Variants in SOX5 observed in about 807,000 individuals in gnomAD.
SOX5 encodes SRY-box transcription factor 5.
In SOX5, 9 loss-of-function variants were observed where a neutral mutation model predicts 92.0. The observed-to-expected ratio is 0.10, with a 90% CI of 0.06 to 0.17. SOX5 has a LOEUF of 0.17. Ranked by LOEUF, SOX5 falls within the 10% of genes least tolerant of loss-of-function variation. The pLI, the probability that SOX5 is intolerant of heterozygous loss-of-function variation, is 1.00. For missense variants in SOX5, 642 were observed against 944.5 expected, an observed-to-expected ratio of 0.68 and a Z score of 4.20; for synonymous variants, 344 against 336.3, an observed-to-expected ratio of 1.02 and a Z score of -0.25.
At chr12:23,873,533 T>C (rs920486622) in intron 2 of SOX5, among the ~76,000 whole-genome samples, 1 of 152,116 alleles carries the variant, frequency 6.6e-6, no homozygotes, top group Non-Finnish European at 1.5e-5. Flanking sequence ...AAACCACTTG[T>C]TTACATGTTT....
rs1958214860 is a variant in SOX5 at position 24,057,153 on chromosome 12, G to GA, written c.-2+156189dup. ...CCTAGTTTCAAATAGATAAAAGAAG[G>GA]AAAAAACCTAGCTACATGGACATGA... is the stretch of plus-strand genomic sequence containing the variant. On this transcript the variant is annotated intron_variant, in intron 4 of 4. Transcript: ENST00000446891. Among the ~76,000 whole-genome samples, 13 of 151,812 alleles carry GA rather than the reference G, an allele frequency of 8.6e-5. No homozygotes were observed. In the South Asian group the frequency reaches 2.5e-3, roughly 29 times the overall value.
intron 4 of SOX5, among the ~76,000 whole-genome samples, chr12:24,051,684 T>A (rs1333846736): frequency 6.6e-6 from 1 of 152,224 alleles, no homozygotes; most frequent in African/African-American, 2.4e-5. Flanking sequence ...AGAAGAAAAC[T>A]GCCTTCTAAG....
intron 2 of SOX5, among the ~76,000 whole-genome samples, chr12:24,326,449 C>T (rs555661190): frequency 5.3e-5 from 2 of 37,546 alleles, no homozygotes; most frequent in Admixed American, 4.3e-4. Flanking sequence ...TTCATTTGAT[C>T]GCACTTGTGT....
intron 8 of SOX5, among the ~76,000 whole-genome samples, chr12:23,612,665 C>T (rs528563877): frequency 6.6e-6 from 1 of 152,134 alleles, no homozygotes; most frequent in South Asian, 2.1e-4. Context: ...TATATGTCAT[C>T]TATTATGATT....
intron 3 of SOX5, among the ~76,000 whole-genome samples, chr12:23,823,587 C>T (rs112852457): frequency 1.3e-5 from 2 of 152,204 alleles, no homozygotes; most frequent in African/African-American, 4.8e-5. Context: ...CTGACGATTA[C>T]GTGTCTTGGG....
At chr12:24,068,747 T>TACAC (rs147957201) in intron 4 of SOX5, among the ~76,000 whole-genome samples, 37 of 71,588 alleles carry the variant, frequency 5.2e-4, no homozygotes, top group South Asian at 1.2e-3. Context: ...TATATATATA[T>TACAC]ACACACACAC....
At chr12:23,731,358 A>G (rs2140851779) in intron 6 of SOX5, among the ~76,000 whole-genome samples, 1 of 152,214 alleles carries the variant, frequency 6.6e-6, no homozygotes, top group East Asian at 1.9e-4. Flanking sequence ...CCTCTCATAT[A>G]TTTATCTATA....
At chr12:24,012,836 C>T (rs916459023) in intron 4 of SOX5, among the ~76,000 whole-genome samples, 7 of 152,098 alleles carry the variant, frequency 4.6e-5, no homozygotes, top group Non-Finnish European at 7.4e-5. Flanking sequence ...AGACAAGAGA[C>T]ATCACTAGCG....
chr12:23,621,112 T>C (rs12371389), intron 8 of SOX5, among the ~76,000 whole-genome samples: 228 of 152,260 alleles, frequency 1.5e-3, no homozygotes, highest in Non-Finnish European at 2.5e-3. Context: ...AAGTAAATGT[T>C]GTTTTTGAGA....
chr12:23,726,171 GA>G (rs2093120269), intron 6 of SOX5, among the ~76,000 whole-genome samples: 1 of 89,314 alleles, frequency 1.1e-5, no homozygotes, highest in Non-Finnish European at 2.3e-5. Context: ...GAGAGAGAGA[GA>G]GAGGTCAGTT....
At chr12:23,805,423 G>T (rs1016698113) in intron 3 of SOX5, among the ~76,000 whole-genome samples, 1 of 151,496 alleles carries the variant, frequency 6.6e-6, no homozygotes, top group African/African-American at 2.4e-5. Flanking sequence ...CATGTAAAGC[G>T]CAATGCCTGA....
chr12:23,998,248 T>C (rs1208505655), intron 4 of SOX5, among the ~76,000 whole-genome samples: 2 of 151,888 alleles, frequency 1.3e-5, no homozygotes, highest in African/African-American at 4.8e-5. Context: ...AAAGATAAAA[T>C]TACTGAAAAA....
intron 4 of SOX5, among the ~76,000 whole-genome samples, chr12:24,084,295 A>T (rs962435913): frequency 6.6e-6 from 1 of 152,018 alleles, no homozygotes; most frequent in Admixed American, 6.6e-5. Flanking sequence ...AAGTGGAGTC[A>T]GTAAAATGGT....
chr12:24,360,624 T>C (rs975332191), intron 2 of SOX5, among the ~76,000 whole-genome samples: 3 of 152,190 alleles, frequency 2.0e-5, no homozygotes, highest in African/African-American at 7.2e-5. Flanking sequence ...TTTGTCTGAG[T>C]ACTTCATTTT....
intron 4 of SOX5, among the ~76,000 whole-genome samples, chr12:24,007,887 A>C (rs1008480482): frequency 6.6e-6 from 1 of 150,888 alleles, no homozygotes; most frequent in Non-Finnish European, 1.5e-5. Flanking sequence ...TTAAGTCCTT[A>C]ATATTCCATT....
At chr12:24,403,884 G>C (rs1962322516) in intron 1 of SOX5, among the ~76,000 whole-genome samples, 1 of 152,126 alleles carries the variant, frequency 6.6e-6, no homozygotes, top group Non-Finnish European at 1.5e-5. Context: ...GGTCTTAACT[G>C]AAAGGAATAA....
At chr12:23,549,170 ACTCTT>A (rs558903700) in intron 11 of SOX5, among the ~76,000 whole-genome samples, 30 of 152,118 alleles carry the variant, frequency 2.0e-4, no homozygotes, top group African/African-American at 7.2e-4. Flanking sequence ...TAAATAAATT[ACTCTT>A]TTCTAAATAG....
intron 1 of SOX5, among the ~76,000 whole-genome samples, chr12:24,431,345 C>A (rs1053654145): frequency 1.3e-5 from 2 of 152,160 alleles, no homozygotes; most frequent in Non-Finnish European, 2.9e-5. Context: ...AAATAGTCCA[C>A]TGATGCTAAA....
At chr12:23,714,261 AAGG>A (rs1174145273) in intron 6 of SOX5, among the ~76,000 whole-genome samples, 2 of 152,200 alleles carry the variant, frequency 1.3e-5, no homozygotes, top group Non-Finnish European at 2.9e-5. Flanking sequence ...AAATGATATA[AAGG>A]CAATGGCAAT....
Sources: allele counts gnomAD v4.1 joint callset (sites outside exome capture counted in the v4.1 genomes callset), GRCh38; gene constraint gnomAD v4.1.1; transcripts MANE v1.5; gene names NCBI Gene and HGNC (gene_info 2026-07-23, HGNC 2026-07-21).